TRPM6: variants seen among roughly 807,000 people sequenced by gnomAD.
TRPM6 encodes the protein transient receptor potential cation channel subfamily M member 6.
TRPM6 carries 111 observed loss-of-function variants against 247.6 expected under a neutral mutation model. That is an observed-to-expected ratio of 0.45 (90% CI 0.38 to 0.52). The LOEUF (loss-of-function observed/expected upper bound fraction) is 0.52. TRPM6 is among the 20% of genes least tolerant of loss of function. TRPM6 has a pLI of 0.00. For missense variants in TRPM6, 2,126 were observed against 2,421.5 expected (o/e 0.88, Z 2.56); for synonymous variants, 892 against 853.8 (o/e 1.04, Z -0.78).
intron 11 of TRPM6, among the ~76,000 whole-genome samples, chr9:74,813,528 T>C (rs946849098): frequency 2.0e-5 from 3 of 152,172 alleles, no homozygotes; most frequent in Non-Finnish European, 4.4e-5. Context: ...TCTTTTCTGA[T>C]AATGTCACCA....
intron 3 of TRPM6, among the ~76,000 whole-genome samples, chr9:74,846,228 C>A (rs1830102853): frequency 6.6e-6 from 1 of 152,108 alleles, no homozygotes; most frequent in African/African-American, 2.4e-5. Context: ...GATTTCTTGT[C>A]AATACAAACA....
chr9:74,882,682 G>A (rs1370037083), intron 1 of TRPM6, among the ~76,000 whole-genome samples: 3 of 152,140 alleles, frequency 2.0e-5, no homozygotes, highest in South Asian at 2.1e-4. Context: ...TAGTACAGCC[G>A]TTATGGAAAA....
chr9:74,804,766 G>T (rs1828475115), intron 14 of TRPM6: 2 of 742,498 alleles, frequency 2.7e-6, no homozygotes, highest in East Asian at 2.5e-5. Flanking sequence ...ACCACTGAAT[G>T]GTCTTAAGCT....
At chr9:74,758,236 C>T (rs1826501753) in intron 27 of TRPM6, among the ~76,000 whole-genome samples, 1 of 152,006 alleles carries the variant, frequency 6.6e-6, no homozygotes, top group South Asian at 2.1e-4. Flanking sequence ...ACAAATTCAC[C>T]CAGAAAACTG....
chr9:74,798,251 T>A (rs570704719), intron 17 of TRPM6, among the ~76,000 whole-genome samples: 1 of 145,422 alleles, frequency 6.9e-6, no homozygotes, highest in African/African-American at 2.6e-5. Context: ...CGAAGTCATA[T>A]CCTTGTCAAC....
intron 9 of TRPM6, among the ~76,000 whole-genome samples, chr9:74,818,478 T>C (rs1829028610): frequency 6.6e-6 from 1 of 151,970 alleles, no homozygotes; most frequent in South Asian, 2.1e-4. Flanking sequence ...AATTTTTGCA[T>C]TTTTGGTAGA....
chr9:74,855,429 C>T, intron 3 of TRPM6, 98 bp downstream of exon 3: 1 of 875,936 alleles, frequency 1.1e-6, no homozygotes, highest in South Asian at 1.3e-5. Flanking sequence ...TGGCATGCAC[C>T]ATTTACTGAG....
intron 9 of TRPM6, among the ~76,000 whole-genome samples, chr9:74,817,479 A>T (rs1480251899): frequency 6.6e-6 from 1 of 152,170 alleles, no homozygotes; most frequent in African/African-American, 2.4e-5. Flanking sequence ...GCGAGTCACC[A>T]CGCCCAGCCA....
intron 3 of TRPM6, among the ~76,000 whole-genome samples, chr9:74,853,248 C>T (rs1564051118): frequency 6.6e-6 from 1 of 151,784 alleles, no homozygotes; most frequent in Non-Finnish European, 1.5e-5. Context: ...GGAGCCCCTC[C>T]GCCCGGCAGC....
chr9:74,887,285 C>T, intron 1 of TRPM6: 1 of 1,353,204 alleles, frequency 7.4e-7, no homozygotes, highest in East Asian at 2.7e-5. Flanking sequence ...ACTGGGCGCA[C>T]GGGGACGCGC....
At chr9:74,740,988 G>A (rs1825847376) in intron 33 of TRPM6, among the ~76,000 whole-genome samples, 1 of 152,046 alleles carries the variant, frequency 6.6e-6, no homozygotes, top group Non-Finnish European at 1.5e-5. Flanking sequence ...GCCTTTGGAC[G>A]AGTTACTTAA....
chr9:74,797,351 C>T (rs549492168), intron 17 of TRPM6, among the ~76,000 whole-genome samples: 1 of 152,260 alleles, frequency 6.6e-6, no homozygotes, highest in African/African-American at 2.4e-5. Context: ...CCCCCGACCC[C>T]AAGGATACCA....
chr9:74,818,007 A>G (rs1829002144), intron 9 of TRPM6, among the ~76,000 whole-genome samples: 1 of 152,134 alleles, frequency 6.6e-6, no homozygotes, highest in East Asian at 1.9e-4. Context: ...AACTTCACAC[A>G]TTGTTTCCTT....
chr9:74,729,539 G>C (rs1413171277), intron 37 of TRPM6, among the ~76,000 whole-genome samples: 1 of 152,152 alleles, frequency 6.6e-6, no homozygotes, highest in Non-Finnish European at 1.5e-5. Context: ...AGACACACAG[G>C]ATTAACTTTC....
At chr9:74,859,551 C>G (rs751162645) in intron 1 of TRPM6, among the ~76,000 whole-genome samples, 24 of 152,026 alleles carry the variant, frequency 1.6e-4, no homozygotes, top group Non-Finnish European at 1.5e-5. Context: ...GGCGGGTGGA[C>G]CACTTGAAGT....
intron 1 of TRPM6, among the ~76,000 whole-genome samples, chr9:74,881,089 G>A (rs541132161): frequency 2.1e-4 from 32 of 152,202 alleles, no homozygotes; most frequent in African/African-American, 7.7e-4. Flanking sequence ...GAGGCCAGGA[G>A]TTCAAGACCA....
At position 74,776,075 on chromosome 9, in the gene TRPM6, T is replaced by C. The variant is rs2274922; in HGVS notation, c.3211A>G (p.Asn1071Asp). The C allele has an allele frequency of 1.1e-4, 175 of 1,612,826 alleles. 1 individual carries two copies. In the East Asian group the frequency reaches 3.7e-3, roughly 34 times the overall value. Residue 1071 changes from asparagine to aspartate, a missense_variant and splice_region_variant, in exon 24 of 39, where the codon AAC (asparagine) becomes GAC (aspartate). Asn to Asp is a conservative substitution (Grantham distance 23). Coordinates refer to ENST00000360774, the MANE Select transcript of TRPM6 (RefSeq NM_017662.5). Reference protein sequence around the residue: ...MVNLLIAFFNNVYLDMESISN... With the variant: ...MVNLLIAFFNDVYLDMESISN... Reference sequence around the variant, plus strand: ...ATGGATTCCATATCTAAGTAAACGTTGCTGTAAGATGAAGTAAGAGAGGGA... The same window carrying C: ...ATGGATTCCATATCTAAGTAAACGTCGCTGTAAGATGAAGTAAGAGAGGGA...
intron 13 of TRPM6, among the ~76,000 whole-genome samples, chr9:74,808,424 C>A (rs909259512): frequency 6.6e-6 from 1 of 152,194 alleles, no homozygotes; most frequent in African/African-American, 2.4e-5. Context: ...CGTGCTCTCT[C>A]TCTCTTACTC....
At chr9:74,789,681 T>G (rs1167019251) in intron 19 of TRPM6, among the ~76,000 whole-genome samples, 1 of 152,090 alleles carries the variant, frequency 6.6e-6, no homozygotes, top group Non-Finnish European at 1.5e-5. Flanking sequence ...TTGTATCGGC[T>G]GGATGCGGTG....
Sources: gnomAD v4.1 joint callset for allele counts (sites outside exome capture counted in the v4.1 genomes callset) on GRCh38, gnomAD v4.1.1 for gene constraint, MANE v1.5 for transcripts, NCBI Gene and HGNC (gene_info 2026-07-23, HGNC 2026-07-21) for gene names.